The following DGKB variants were observed in gnomAD, a reference collection of about 807,000 sequenced individuals.
DGKB encodes the protein diacylglycerol kinase beta.
In DGKB, 67 loss-of-function variants were observed where a neutral mutation model predicts 114.3. That is an observed-to-expected ratio of 0.59 (90% confidence interval 0.48 to 0.72). DGKB has a LOEUF of 0.72. Ranked by LOEUF, DGKB falls within the 30% of genes least tolerant of loss-of-function variation. DGKB has a pLI of 0.00. For synonymous variants in DGKB, 398 were observed against 323.1 expected (o/e 1.23, Z -2.49); for missense variants, 907 against 975.2 (o/e 0.93, Z 0.93).
At chr7:14,580,084 T>A (rs923005050) in intron 19 of DGKB, among the ~76,000 whole-genome samples, 11 of 152,174 alleles carry the variant, frequency 7.2e-5, no homozygotes, top group Admixed American at 3.9e-4. Context: ...AGACCTCATC[T>A]CCAAATATTC....
chr7:14,580,710 C>A lies in DGKB; in HGVS notation c.1609+152G>T, dbSNP rs527286255. On this transcript the variant is annotated intron_variant, in intron 19 of 25. Transcript: ENST00000402815. The stretch of plus-strand genomic sequence containing the variant: ...TTTTTCCACTATTTGTTCTTCTATC[C>A]AAGACTATTGTTCAAAATCATATAT... 2.0e-4 allele frequency among the ~76,000 whole-genome samples: 30 copies of A among 152,208 alleles called. No individual in the cohort carries two copies. The South Asian group carries it at 5.2e-3, about 26-fold the overall frequency.
chr7:14,953,102 A>C (rs1485897732), intron 1 of DGKB, among the ~76,000 whole-genome samples: 1 of 152,050 alleles, frequency 6.6e-6, no homozygotes, highest in Admixed American at 6.6e-5. Flanking sequence ...AAAACTATAA[A>C]ATTATTAGAG....
At chr7:14,245,820 C>T (rs1031931317) in intron 23 of DGKB, among the ~76,000 whole-genome samples, 2 of 151,890 alleles carry the variant, frequency 1.3e-5, no homozygotes, top group Admixed American at 6.6e-5. Context: ...CCCAGCTACT[C>T]GAGAGGTTGA....
At chr7:14,739,738 G>A (rs1236551399) in intron 4 of DGKB, among the ~76,000 whole-genome samples, 1 of 152,170 alleles carries the variant, frequency 6.6e-6, no homozygotes, top group African/African-American at 2.4e-5. Flanking sequence ...AGAGGAAACT[G>A]CACCCCTTGC....
chr7:14,732,065 A>T (rs1469446635), intron 5 of DGKB, among the ~76,000 whole-genome samples: 1 of 152,180 alleles, frequency 6.6e-6, no homozygotes, highest in Non-Finnish European at 1.5e-5. Flanking sequence ...CCAGCTATAC[A>T]TATGCATATG....
At chr7:14,467,624 G>A (rs1376482718) in intron 21 of DGKB, among the ~76,000 whole-genome samples, 1 of 152,074 alleles carries the variant, frequency 6.6e-6, no homozygotes, top group African/African-American at 2.4e-5. Context: ...CTGCATATGT[G>A]AGAATATTAT....
intron 21 of DGKB, among the ~76,000 whole-genome samples, chr7:14,437,350 A>G (rs887563182): frequency 1.8e-4 from 28 of 152,104 alleles, no homozygotes; most frequent in Non-Finnish European, 1.6e-4. Flanking sequence ...TCTCTTTGAT[A>G]ATTCTAAAAC....
At chr7:14,219,885 A>T (rs935296118) in intron 23 of DGKB, among the ~76,000 whole-genome samples, 2 of 151,666 alleles carry the variant, frequency 1.3e-5, no homozygotes, top group African/African-American at 4.8e-5. Flanking sequence ...TTTTCGTCTA[A>T]AAGTTTTATA....
intron 9 of DGKB, among the ~76,000 whole-genome samples, chr7:14,688,013 G>A (rs975784865): frequency 1.3e-5 from 2 of 152,168 alleles, no homozygotes; most frequent in African/African-American, 4.8e-5. Context: ...AATATGCAAG[G>A]GATGAAATAT....
chr7:14,973,173 T>C (rs62448585), intron 1 of DGKB, among the ~76,000 whole-genome samples: 8,146 of 152,100 alleles, frequency 0.054, 309 homozygotes, highest in Non-Finnish European at 0.085. Flanking sequence ...TCCTCCCGTC[T>C]TGAAGTTTCT....
Position 14,388,856 on chromosome 7 carries a change from G to A in DGKB, c.1836-43465C>T, listed in dbSNP as rs62444604. Among the ~76,000 whole-genome samples the A allele has an allele frequency of 5.1e-3, 773 of 152,232 alleles. 5 individuals carry two copies. The highest frequency in any genetic ancestry group is 0.017 in the Middle Eastern group (5 of 294). ...ACAGAGACAAAATCAGAAGCTTGTT[G>A]AACTCCTTCTCTCTCTCCTACCAAC... On this transcript the variant is annotated intron_variant, in intron 21 of 25. Coordinates refer to ENST00000402815, the MANE Select transcript of DGKB (RefSeq NM_001350709.2).
intron 13 of DGKB, among the ~76,000 whole-genome samples, chr7:14,661,636 A>T (rs557780474): frequency 1.2e-4 from 19 of 152,104 alleles, no homozygotes; most frequent in Non-Finnish European, 2.5e-4. Flanking sequence ...CCATTGTGGA[A>T]GTCAGTGTGG....
chr7:14,619,046 T>A (rs1001634025), intron 15 of DGKB, among the ~76,000 whole-genome samples: 2 of 151,416 alleles, frequency 1.3e-5, no homozygotes, highest in Non-Finnish European at 3.0e-5. Context: ...TATTCTTTTA[T>A]TTTTTTTCTC....
At chr7:14,787,465 G>T (rs1180427453) in intron 2 of DGKB, among the ~76,000 whole-genome samples, 4 of 152,186 alleles carry the variant, frequency 2.6e-5, no homozygotes, top group South Asian at 4.1e-4. Context: ...AAAGCAATAT[G>T]GTGAAATTAA....
At chr7:14,346,262 G>T (rs1230578714) in intron 21 of DGKB, among the ~76,000 whole-genome samples, 1 of 151,782 alleles carries the variant, frequency 6.6e-6, no homozygotes. Context: ...TTTGGCAAAG[G>T]CCTTACTACT....
intron 1 of DGKB, among the ~76,000 whole-genome samples, chr7:14,889,660 A>AG (rs1341571599): frequency 1.3e-5 from 2 of 151,628 alleles, no homozygotes; most frequent in African/African-American, 4.8e-5. Flanking sequence ...AGAAAAAAAA[A>AG]GTTTCATAGG....
intron 23 of DGKB, among the ~76,000 whole-genome samples, chr7:14,336,296 T>C (rs899707801): frequency 2.0e-5 from 3 of 152,126 alleles, no homozygotes; most frequent in Admixed American, 6.6e-5. Flanking sequence ...AAGACTAATA[T>C]ATAACAGGTT....
At chr7:14,521,079 T>C (rs900931224) in intron 20 of DGKB, among the ~76,000 whole-genome samples, 1 of 152,152 alleles carries the variant, frequency 6.6e-6, no homozygotes, top group Non-Finnish European at 1.5e-5. Flanking sequence ...TTTTTTTGTA[T>C]TGTCCTTTAC....
chr7:14,524,346 G>A (rs1172962078), intron 20 of DGKB, among the ~76,000 whole-genome samples: 1 of 152,186 alleles, frequency 6.6e-6, no homozygotes, highest in Non-Finnish European at 1.5e-5. Context: ...AGTGGTAGAA[G>A]AATACCTTTT....
Sources: gnomAD v4.1 joint callset for allele counts (sites outside exome capture counted in the v4.1 genomes callset) on GRCh38, gnomAD v4.1.1 for gene constraint, MANE v1.5 for transcripts, NCBI Gene and HGNC (gene_info 2026-07-23, HGNC 2026-07-21) for gene names.